Variants in VEGFC observed in about 807,000 individuals in gnomAD.
VEGFC encodes FLT4 ligand DHM.
In VEGFC, 12 loss-of-function variants were observed where a neutral mutation model predicts 46.1. The observed-to-expected ratio is 0.26, with a 90% CI of 0.17 to 0.42. The LOEUF is 0.42. Ranked by LOEUF, VEGFC falls within the 10% of genes least tolerant of loss-of-function variation. The pLI is 1.00. For missense variants in VEGFC, 488 were observed against 529.4 expected, an observed-to-expected ratio of 0.92 and a Z score of 0.77; for synonymous variants, 232 against 195.5, an observed-to-expected ratio of 1.19 and a Z score of -1.56.
intron 1 of VEGFC, among the ~76,000 whole-genome samples, chr4:176,780,016 TA>T (rs1735884598): frequency 6.6e-6 from 1 of 152,204 alleles, no homozygotes; most frequent in African/African-American, 2.4e-5. Flanking sequence ...TGTACATCTT[TA>T]ACTGGAACTT....
At chr4:176,690,725 G>C (rs1015097967) in intron 4 of VEGFC, among the ~76,000 whole-genome samples, 1 of 146,660 alleles carries the variant, frequency 6.8e-6, no homozygotes, top group East Asian at 1.9e-4. Flanking sequence ...ATTAATCCTG[G>C]CTGCATGAAA....
chr4:176,689,041 A>G (rs1339497717), intron 4 of VEGFC, among the ~76,000 whole-genome samples: 1 of 152,196 alleles, frequency 6.6e-6, no homozygotes. Context: ...TTTTGGTTTT[A>G]AATATGCTAA....
intron 1 of VEGFC, among the ~76,000 whole-genome samples, chr4:176,774,957 G>C (rs1185629206): frequency 2.0e-5 from 3 of 152,148 alleles, no homozygotes; most frequent in African/African-American, 7.2e-5. Context: ...ACTAGGGCAA[G>C]CTTCAGCCCG....
chr4:176,703,662 A>C (rs559117894), intron 4 of VEGFC, among the ~76,000 whole-genome samples: 32 of 152,298 alleles, frequency 2.1e-4, no homozygotes, highest in Non-Finnish European at 4.0e-4. Context: ...TAAATGTTTG[A>C]GGTGATGGAT....
intron 1 of VEGFC, among the ~76,000 whole-genome samples, chr4:176,782,983 C>T (rs1735941853): frequency 3.3e-5 from 5 of 152,174 alleles, no homozygotes; most frequent in Admixed American, 2.6e-4. Flanking sequence ...TTTTTCCTCC[C>T]TTTTTCCTGT....
intron 1 of VEGFC, among the ~76,000 whole-genome samples, chr4:176,733,175 T>C (rs1190965359): frequency 6.6e-6 from 1 of 151,876 alleles, no homozygotes; most frequent in African/African-American, 2.4e-5. Context: ...AAAATGTAAA[T>C]CTGTACAGCC....
At chr4:176,756,001 A>G (rs1439147217) in intron 1 of VEGFC, among the ~76,000 whole-genome samples, 3 of 152,054 alleles carry the variant, frequency 2.0e-5, no homozygotes, top group Non-Finnish European at 2.9e-5. Flanking sequence ...ATAATTTGGT[A>G]CATGGGAGGG....
At chr4:176,770,549 T>C (rs1735704038) in intron 1 of VEGFC, among the ~76,000 whole-genome samples, 1 of 151,856 alleles carries the variant, frequency 6.6e-6, no homozygotes, top group East Asian at 1.9e-4. Context: ...GATATTTATC[T>C]GAGAAAGCAG....
intron 1 of VEGFC, among the ~76,000 whole-genome samples, chr4:176,787,481 A>G (rs1736022934): frequency 6.6e-6 from 1 of 151,290 alleles, no homozygotes; most frequent in African/African-American, 2.4e-5. Context: ...AAAGGAAAGA[A>G]AGAAAAAGAA....
At chr4:176,741,764 A>G (rs1735179528) in intron 1 of VEGFC, among the ~76,000 whole-genome samples, 1 of 151,992 alleles carries the variant, frequency 6.6e-6, no homozygotes, top group Non-Finnish European at 1.5e-5. Flanking sequence ...GGTGAACTAG[A>G]GAGATTCACA....
intron 6 of VEGFC, among the ~76,000 whole-genome samples, chr4:176,685,018 C>G (rs534631939): frequency 6.6e-6 from 1 of 152,104 alleles, no homozygotes; most frequent in Non-Finnish European, 1.5e-5. Flanking sequence ...TGAGCCACCA[C>G]GCCTGGTGAG....
At position 176,777,812 on chromosome 4, in the gene VEGFC, G is replaced by C. The variant is rs963360762; in HGVS notation, c.147+14353C>G. 2.7e-5 allele frequency among the ~76,000 whole-genome samples: 4 copies of C among 149,854 alleles called. No homozygotes were observed. In the East Asian group the frequency reaches 8.1e-4, roughly 30 times the overall value. On this transcript the variant is annotated intron_variant, in intron 1 of 6. Transcript: ENST00000618562. ...TGGGCACCCGTAGTCCCTGCTACTC[G>C]GGAGGCTGGGGCAGGAGAATGGCAT...
At chr4:176,765,406 G>T (rs1224464820) in intron 1 of VEGFC, among the ~76,000 whole-genome samples, 1 of 151,966 alleles carries the variant, frequency 6.6e-6, no homozygotes, top group Non-Finnish European at 1.5e-5. Context: ...ATTTAAAGAA[G>T]TAGTTTTCTA....
At chr4:176,715,924 G>A (rs1452375103) in intron 3 of VEGFC, among the ~76,000 whole-genome samples, 1 of 152,098 alleles carries the variant, frequency 6.6e-6, no homozygotes, top group African/African-American at 2.4e-5. Context: ...GAAACAGACA[G>A]TAATTAGAGT....
chr4:176,774,231 TATTA>T (rs1238819082), intron 1 of VEGFC, among the ~76,000 whole-genome samples: 2 of 150,686 alleles, frequency 1.3e-5, no homozygotes, highest in Non-Finnish European at 3.0e-5. Context: ...GACTACTTAA[TATTA>T]ATTTAGCAGA....
intron 1 of VEGFC, among the ~76,000 whole-genome samples, chr4:176,730,229 G>A (rs1734941247): frequency 6.6e-6 from 1 of 152,072 alleles, no homozygotes; most frequent in Admixed American, 6.6e-5. Flanking sequence ...ATAATCATAT[G>A]AAGAAAGGAA....
chr4:176,758,556 T>C (rs1024955437), intron 1 of VEGFC, among the ~76,000 whole-genome samples: 3 of 152,134 alleles, frequency 2.0e-5, no homozygotes, highest in Non-Finnish European at 4.4e-5. Flanking sequence ...TCAATCTCGA[T>C]TGTTGTCAGG....
Position 176,687,251 on chromosome 4 carries a change from C to G in VEGFC, c.1081G>C (p.Glu361Gln). ...CATTTCTGTGGACTTTCTGTACATT[C>G]ACAGGCACATTTTCCAGGATTTAGG... ...QPLNPGKCAC[E>Q]CTESPQKCLL... Residue 361 changes from glutamate to glutamine, a missense_variant, in exon 6 of 7, where the codon GAA (glutamate) becomes CAA (glutamine). Physicochemically the swap from Glu to Gln is conservative, Grantham distance 29. Transcript: ENST00000618562. The G allele has an allele frequency of 5.6e-6, 9 of 1,614,156 alleles. No homozygotes were observed. The highest frequency in any genetic ancestry group is 7.6e-6 in the Non-Finnish European group (9 of 1,180,044).
Position 176,711,199 on chromosome 4 carries a change from T to A in VEGFC, c.704+300A>T, listed in dbSNP as rs577091623. On this transcript the variant is annotated intron_variant, in intron 4 of 6. Coordinates refer to ENST00000618562, the MANE Select transcript of VEGFC (RefSeq NM_005429.5). Reference sequence around the variant, plus strand: ...GAGTTAGCATACCTGATTTCAGGAATGTTAAATCAATTAAGCTACCTTACT... The same window carrying A: ...GAGTTAGCATACCTGATTTCAGGAAAGTTAAATCAATTAAGCTACCTTACT... Among the ~76,000 whole-genome samples the A allele has an allele frequency of 3.0e-3, 459 of 152,320 alleles. 2 individuals carry two copies. Among genetic ancestry groups the A allele is most frequent in the Non-Finnish European group, 5.3e-3 (361 of 68,016 alleles).
Sources: gnomAD v4.1 joint callset for allele counts (sites outside exome capture counted in the v4.1 genomes callset) on GRCh38, gnomAD v4.1.1 for gene constraint, MANE v1.5 for transcripts, NCBI Gene and HGNC (gene_info 2026-07-23, HGNC 2026-07-21) for gene names.